The following PRMT8 variants were observed in gnomAD, a reference collection of about 807,000 sequenced individuals.
PRMT8 encodes the protein protein arginine N-methyltransferase 8.
PRMT8 carries 7 observed loss-of-function variants against 47.1 expected under a neutral mutation model. The ratio of observed to expected loss-of-function variants is 0.15; its 90% confidence interval spans 0.08 to 0.28. The LOEUF is 0.28. PRMT8 is among the 10% of genes least tolerant of loss of function. PRMT8 has a pLI of 1.00. For synonymous variants in PRMT8, 188 were observed against 186.5 expected (o/e 1.01, Z -0.07); for missense variants, 237 against 505.4 (o/e 0.47, Z 5.09).
chr12:3,469,789 G>A (rs1865139948), intron 1 of PRMT8, among the ~76,000 whole-genome samples: 1 of 152,182 alleles, frequency 6.6e-6, no homozygotes, highest in Non-Finnish European at 1.5e-5. Context: ...CTGATAGCAA[G>A]AGAGGATCTG....
At chr12:3,511,117 T>G (rs961231617) in intron 1 of PRMT8, among the ~76,000 whole-genome samples, 1 of 152,144 alleles carries the variant, frequency 6.6e-6, no homozygotes, top group African/African-American at 2.4e-5. Flanking sequence ...AGATCTTACA[T>G]TTTGCTCTTA....
intron 1 of PRMT8, among the ~76,000 whole-genome samples, chr12:3,400,746 G>A (rs1295243325): frequency 6.6e-6 from 1 of 152,168 alleles, no homozygotes; most frequent in African/African-American, 2.4e-5. Context: ...GAACATCAGT[G>A]CAAAAATCCT....
intron 1 of PRMT8, among the ~76,000 whole-genome samples, chr12:3,410,199 G>A (rs970306379): frequency 1.2e-4 from 19 of 152,186 alleles, no homozygotes; most frequent in Non-Finnish European, 2.5e-4. Flanking sequence ...CAAACTTATT[G>A]AGGCAAAAAC....
chr12:3,444,546 G>C (rs1274709995), intron 1 of PRMT8, among the ~76,000 whole-genome samples: 4 of 152,226 alleles, frequency 2.6e-5, no homozygotes. Context: ...CATGTTTTGT[G>C]ATCAGCAAAT....
intron 1 of PRMT8, among the ~76,000 whole-genome samples, chr12:3,433,047 G>A (rs1730956537): frequency 6.6e-6 from 1 of 152,168 alleles, no homozygotes; most frequent in Admixed American, 6.5e-5. Flanking sequence ...TCCAGGATGT[G>A]CAATTTACAG....
At chr12:3,584,988 T>G (rs1867140986) in intron 8 of PRMT8, among the ~76,000 whole-genome samples, 1 of 152,184 alleles carries the variant, frequency 6.6e-6, no homozygotes. Context: ...ATACCTAGCT[T>G]CTTTTTTTAA....
intron 1 of PRMT8, among the ~76,000 whole-genome samples, chr12:3,496,576 A>G (rs1865513825): frequency 1.3e-5 from 2 of 152,100 alleles, no homozygotes; most frequent in Admixed American, 6.5e-5. Flanking sequence ...CTGGTTTTCA[A>G]TCCAGTTCTG....
chr12:3,431,357 T>C (rs2335981), intron 1 of PRMT8, among the ~76,000 whole-genome samples: 101,389 of 151,884 alleles, frequency 0.67, 37,762 homozygotes, highest in East Asian at 0.93. Context: ...TACTAGCACT[T>C]GGGGACTATT....
chr12:3,526,117 C>T (rs1260619249), intron 1 of PRMT8, among the ~76,000 whole-genome samples: 5 of 152,050 alleles, frequency 3.3e-5, no homozygotes, highest in East Asian at 1.9e-4. Flanking sequence ...ATAGTCTTAC[C>T]GTTTTTGTCT....
chr12:3,593,551 A>T lies in PRMT8; in HGVS notation c.*369A>T, dbSNP rs1294973482. On this transcript the variant is annotated 3_prime_UTR_variant, in exon 10 of 10. Coordinates refer to ENST00000382622, the MANE Select transcript of PRMT8 (RefSeq NM_019854.5). This position sits in a 1 kb window ranked among gnomAD's most constrained non-coding sequence, Gnocchi z 4.8. Reference sequence around the variant, plus strand: ...CGGGTGTCTAGGACAGATTGCTTCCACTAGAACCTGGAGACATAGCATCTT... The same window carrying T: ...CGGGTGTCTAGGACAGATTGCTTCCTCTAGAACCTGGAGACATAGCATCTT... 3.7e-6 allele frequency: 1 copy of T among 267,354 alleles called. No homozygotes were observed. Among genetic ancestry groups the T allele is most frequent in the African/African-American group, 2.3e-5 (1 of 43,506 alleles). The allele number at this position is 267,354 out of a possible 1,614,324, so 16.6% of individuals were successfully genotyped here. A position where few individuals can be genotyped will look rare whatever the true frequency, so the allele number is the denominator to read the frequency against.
chr12:3,392,583 T>C (rs1298677617), intron 1 of PRMT8, among the ~76,000 whole-genome samples: 1 of 151,268 alleles, frequency 6.6e-6, no homozygotes. Flanking sequence ...GGTGTATATG[T>C]GCCACATTTT....
chr12:3,447,095 C>T (rs1176137129), intron 1 of PRMT8, among the ~76,000 whole-genome samples: 2 of 152,132 alleles, frequency 1.3e-5, no homozygotes, highest in Admixed American at 6.5e-5. Context: ...TCACTCTGGG[C>T]AGCCCTCGTG....
chr12:3,454,474 G>A (rs1298024359), intron 1 of PRMT8, among the ~76,000 whole-genome samples: 1 of 152,084 alleles, frequency 6.6e-6, no homozygotes, highest in Non-Finnish European at 1.5e-5. Context: ...AGGGGAGGGG[G>A]GTGTCTAGGA....
chr12:3,420,997 A>G (rs766007759), intron 1 of PRMT8, among the ~76,000 whole-genome samples: 3 of 152,222 alleles, frequency 2.0e-5, no homozygotes, highest in Admixed American at 6.5e-5. Context: ...CAAAAATCAC[A>G]TCAAATATCA....
At chr12:3,485,245 T>C (rs1009419270) in intron 1 of PRMT8, among the ~76,000 whole-genome samples, 6 of 152,186 alleles carry the variant, frequency 3.9e-5, no homozygotes, top group African/African-American at 1.4e-4. Context: ...TCCCCAGGCA[T>C]TGGAAGACTC....
At position 3,485,843 on chromosome 12, in the gene PRMT8, A is replaced by G. The variant is rs142482739; in HGVS notation, c.49-54763A>G. 5.5e-3 allele frequency among the ~76,000 whole-genome samples: 840 copies of G among 152,354 alleles called. 10 individuals carry two copies. Among genetic ancestry groups the G allele is most frequent in the Middle Eastern group, 0.01 (3 of 294 alleles). On this transcript the variant is annotated intron_variant, in intron 1 of 9. Transcript: ENST00000452611. ...TTACCTTAAGGGGGTGAAGTTTTAA[A>G]TGAAAGAAAAATCTAGCAAAGTTTA... is the stretch of plus-strand genomic sequence containing the variant.
chr12:3,383,012 A>G (rs1864107320), intron 1 of PRMT8, among the ~76,000 whole-genome samples: 1 of 152,194 alleles, frequency 6.6e-6, no homozygotes, highest in African/African-American at 2.4e-5. Flanking sequence ...AAAATCACTT[A>G]TGCGTATTTG....
At position 3,492,249 on chromosome 12, in the gene PRMT8, G is replaced by A. The variant is rs544933065; in HGVS notation, c.75+549G>A. On this transcript the variant is annotated intron_variant, in intron 1 of 9. Transcript: ENST00000382622. This position sits in a 1 kb window ranked among gnomAD's most constrained non-coding sequence, Gnocchi z 7.5. Reference sequence around the variant, plus strand: ...CCGGCCGCGGGGGCCGAGCCGGCAGGAGGACTCGGGCACCTCCTACAGACC... The same window carrying A: ...CCGGCCGCGGGGGCCGAGCCGGCAGAAGGACTCGGGCACCTCCTACAGACC... Among the ~76,000 whole-genome samples the A allele has an allele frequency of 2.0e-5, 3 of 152,220 alleles. No homozygotes were observed. The highest frequency in any genetic ancestry group is 7.2e-5 in the African/African-American group (3 of 41,546).
chr12:3,471,304 C>T (rs1865160135), intron 1 of PRMT8, among the ~76,000 whole-genome samples: 1 of 152,114 alleles, frequency 6.6e-6, no homozygotes, highest in South Asian at 2.1e-4. Flanking sequence ...CCCCTACTCT[C>T]TCTGCAAACC....
Sources: allele counts gnomAD v4.1 joint callset (sites outside exome capture counted in the v4.1 genomes callset), GRCh38; gene constraint gnomAD v4.1.1; non-coding constraint Gnocchi (gnomAD v3.1); transcripts MANE v1.5; gene names NCBI Gene and HGNC (gene_info 2026-07-23, HGNC 2026-07-21).